Variants in FCHO2 observed in about 807,000 individuals in gnomAD.
FCHO2 encodes F-BAR domain only protein 2.
In FCHO2, 43 loss-of-function variants were observed where a neutral mutation model predicts 114.1. The ratio of observed to expected loss-of-function variants is 0.38; its 90% confidence interval spans 0.30 to 0.49. FCHO2 has a LOEUF of 0.49. Ranked by LOEUF, FCHO2 falls within the 20% of genes least tolerant of loss-of-function variation. The pLI is 0.97. For synonymous variants in FCHO2, 293 were observed against 315.2 expected (o/e 0.93, Z 0.75); for missense variants, 807 against 950.4 (o/e 0.85, Z 1.98).
At position 73,023,856 on chromosome 5, in the gene FCHO2, T is replaced by G. The variant is rs148027567; in HGVS notation, c.796+6548T>G. On this transcript the variant is annotated intron_variant, in intron 8 of 25. Transcript: ENST00000430046. ...TTAGAAATTTTGCTAACTCAACATA[T>G]GGGGATTGCTGAACCCTTATTCATC... Among the ~76,000 whole-genome samples the G allele has an allele frequency of 3.2e-3, 486 of 152,310 alleles. 2 individuals carry two copies. In the Middle Eastern group the frequency reaches 0.034, roughly 11 times the overall value.
At chr5:73,002,967 AAG>A (rs1175819954) in intron 5 of FCHO2, among the ~76,000 whole-genome samples, 2 of 152,194 alleles carry the variant, frequency 1.3e-5, no homozygotes, top group East Asian at 3.8e-4. Context: ...ATTTTTAAAA[AAG>A]TAATTTATTT....
At chr5:72,996,266 T>G (rs1283948190) in intron 5 of FCHO2, among the ~76,000 whole-genome samples, 6 of 123,258 alleles carry the variant, frequency 4.9e-5, no homozygotes, top group African/African-American at 1.8e-4. Context: ...AAAAATCCTG[T>G]TATGTATTTC....
chr5:73,013,729 G>A (rs866056698), intron 6 of FCHO2, among the ~76,000 whole-genome samples: 17 of 152,190 alleles, frequency 1.1e-4, no homozygotes, highest in African/African-American at 3.9e-4. Flanking sequence ...GTGCAGAGGC[G>A]CGATCTTGGC....
intron 6 of FCHO2, among the ~76,000 whole-genome samples, chr5:73,010,099 A>G (rs949154875): frequency 6.6e-6 from 1 of 152,180 alleles, no homozygotes; most frequent in Non-Finnish European, 1.5e-5. Context: ...TCTCCACTTA[A>G]CTGTTTTTCC....
At chr5:72,979,124 A>C (rs1753039152) in intron 2 of FCHO2, among the ~76,000 whole-genome samples, 1 of 152,166 alleles carries the variant, frequency 6.6e-6, no homozygotes, top group Non-Finnish European at 1.5e-5. Context: ...TGCTGGCCTC[A>C]TAAAATGAGT....
intron 8 of FCHO2, among the ~76,000 whole-genome samples, chr5:73,026,943 C>T (rs1228387300): frequency 6.6e-6 from 1 of 151,688 alleles, no homozygotes; most frequent in African/African-American, 2.4e-5. Flanking sequence ...CCACCTGCCT[C>T]AGCCTCCCAA....
chr5:73,088,377 GTGTCTATGT>G lies in FCHO2; in HGVS notation c.*290_*298del. Reference sequence around the variant, plus strand: ...AGGATTAATTTTTAAATTATTTCCAGTGTCTATGTTGAAAAAAAGGGTTATAGTGTAATA... The same window carrying G: ...AGGATTAATTTTTAAATTATTTCCAGTGAAAAAAAGGGTTATAGTGTAATA... On this transcript the variant is annotated 3_prime_UTR_variant, in exon 26 of 26. Coordinates refer to ENST00000430046, the MANE Select transcript of FCHO2 (RefSeq NM_138782.3). The G allele has an allele frequency of 2.5e-6, 1 of 406,080 alleles. No individual in the cohort carries two copies. 25.2% of individuals were successfully genotyped at this position (406,080 alleles called of 1,614,324 possible).
intron 17 of FCHO2, among the ~76,000 whole-genome samples, chr5:73,060,733 A>G (rs1350265418): frequency 6.6e-6 from 1 of 151,986 alleles, no homozygotes; most frequent in African/African-American, 2.4e-5. Context: ...AATAATTTCA[A>G]TCAATCAGTT....
At chr5:73,075,109 A>G (rs1218462236) in intron 20 of FCHO2, among the ~76,000 whole-genome samples, 1 of 152,174 alleles carries the variant, frequency 6.6e-6, no homozygotes, top group Non-Finnish European at 1.5e-5. Context: ...TACTTTAGTA[A>G]ACAAAAGAGT....
intron 2 of FCHO2, among the ~76,000 whole-genome samples, chr5:72,971,452 C>T (rs961947367): frequency 7.0e-4 from 106 of 152,212 alleles, no homozygotes; most frequent in Non-Finnish European, 1.0e-3. Flanking sequence ...TGATGGCCAG[C>T]GATGGTGAGC....
intron 18 of FCHO2, among the ~76,000 whole-genome samples, chr5:73,068,037 A>G (rs1267874393): frequency 1.3e-5 from 2 of 152,062 alleles, no homozygotes; most frequent in African/African-American, 4.8e-5. Flanking sequence ...GGAATTACTG[A>G]GGAAAATGTG....
At chr5:73,031,289 C>T (rs1756229636) in intron 8 of FCHO2, among the ~76,000 whole-genome samples, 1 of 152,152 alleles carries the variant, frequency 6.6e-6, no homozygotes, top group Non-Finnish European at 1.5e-5. Context: ...ATCATCATTC[C>T]TTTTATTAAA....
intron 8 of FCHO2, among the ~76,000 whole-genome samples, chr5:73,028,646 CT>C (rs1177312773): frequency 0.015 from 1,679 of 112,112 alleles, 6 homozygotes; most frequent in Middle Eastern, 0.038. Flanking sequence ...TTATATGATT[CT>C]TTTTTTTTTT....
At chr5:73,063,030 A>G (rs1561487701) in intron 17 of FCHO2, among the ~76,000 whole-genome samples, 1 of 152,088 alleles carries the variant, frequency 6.6e-6, no homozygotes, top group South Asian at 2.1e-4. Context: ...ATTAATGATT[A>G]TTAAACATGA....
rs183476262 is a variant in FCHO2, at chr5:73,077,124, A to G, written c.1692-214A>G. On this transcript the variant is annotated intron_variant, in intron 20 of 25. Transcript: ENST00000430046. ...TTGTGTTTAGAGTTTAATTCCAGGA[A>G]AAGATGATGCTAGATGAGTATACTA... Among the ~76,000 whole-genome samples, 92 of 152,338 alleles carry G rather than the reference A, an allele frequency of 6.0e-4. 1 individual carries two copies. The highest frequency in any genetic ancestry group is 2.1e-3 in the African/African-American group (89 of 41,570).
intron 8 of FCHO2, among the ~76,000 whole-genome samples, chr5:73,028,925 G>A (rs1371935300): frequency 1.3e-5 from 2 of 152,048 alleles, no homozygotes; most frequent in Non-Finnish European, 2.9e-5. Context: ...GGGATTACAG[G>A]TGGAGCCACC....
intron 1 of FCHO2, among the ~76,000 whole-genome samples, chr5:72,966,976 T>G (rs547234249): frequency 3.5e-4 from 54 of 152,322 alleles, no homozygotes; most frequent in Admixed American, 1.6e-3. Context: ...TGTGTAGTGA[T>G]CTAGTTCTAT....
At chr5:72,956,415 G>C (rs917865014) in intron 1 of FCHO2, among the ~76,000 whole-genome samples, 1 of 151,642 alleles carries the variant, frequency 6.6e-6, no homozygotes, top group Non-Finnish European at 1.5e-5. Flanking sequence ...GGCGGGAGAC[G>C]GGACCCAGCC....
At position 72,968,606 on chromosome 5, in the gene FCHO2, T is replaced by C; in HGVS notation, c.125+17T>C. The C allele has an allele frequency of 6.8e-7, 1 of 1,473,312 alleles. No individual in the cohort carries two copies. Among genetic ancestry groups the C allele is most frequent in the South Asian group, 1.4e-5 (1 of 71,436 alleles). 91.3% of individuals were successfully genotyped at this position (1,473,312 alleles called of 1,614,324 possible). On this transcript the variant is annotated intron_variant, in intron 2 of 25. Transcript: ENST00000430046. ...AAGGGAACGGTATGTATTTTTTAAA[T>C]AAGTAATTTGTTTAACAACTTAATA...
Sources: gnomAD v4.1 joint callset for allele counts (sites outside exome capture counted in the v4.1 genomes callset) on GRCh38, gnomAD v4.1.1 for gene constraint, MANE v1.5 for transcripts, NCBI Gene and HGNC (gene_info 2026-07-23, HGNC 2026-07-21) for gene names.